ZNF469: variants seen among roughly 807,000 people sequenced by gnomAD.
ZNF469 encodes zinc finger protein 469.
In ZNF469, 1 loss-of-function variant was observed where a neutral mutation model predicts 1.0. The observed-to-expected ratio is 1.00, with a 90% confidence interval of 0.35 to 4.73. The LOEUF (loss-of-function observed/expected upper bound fraction) is 4.73, where lower values mean the gene tolerates loss of function less well. Ranked by LOEUF, ZNF469 falls within the 30% of genes most tolerant of loss-of-function variation. The probability of loss-of-function intolerance (pLI) is 0.16; values close to 1 mark genes in which losing one functional copy is unlikely to be tolerated. For synonymous variants in ZNF469, 2,703 were observed against 2,363.4 expected (o/e 1.14, Z -4.17); for missense variants, 6,100 against 5,356.3 (o/e 1.14, Z -4.33).
At chr16:88,267,871 C>T in the ZNF469 span, among the ~76,000 whole-genome samples, 11 of 152,146 alleles carry the variant, frequency 7.2e-5, no homozygotes, top group East Asian at 1.9e-4. Context: ...GTGGCACTGC[C>T]GGGTCCTGAG....
chr16:88,430,697 C>A lies in ZNF469; in HGVS notation c.3227C>A (p.Ala1076Glu), dbSNP rs931218240. The change falls in exon 3 of 3, where the codon GCG becomes GAG. Residue 1076 changes from alanine (A) to glutamate (E), a missense_variant. Ala to Glu is a moderately radical substitution (Grantham distance 107). Coordinates refer to ENST00000565624, the MANE Select transcript of ZNF469 (RefSeq NM_001367624.2). ...GRRAGRCGSL[A>E]AGRPRPGAED... ...CGGGCGGGCAGGTGCGGCTCCCTGG[C>A]GGCGGGGAGGCCCCGGCCCGGAGCT... 13 of 1,483,268 alleles carry A rather than the reference C, an allele frequency of 8.8e-6. No individual in the cohort carries two copies. The highest frequency in any genetic ancestry group is 1.3e-5 in the South Asian group (1 of 76,642). 91.9% of individuals were successfully genotyped at this position (1,483,268 alleles called of 1,614,324 possible). A position where few individuals can be genotyped will look rare whatever the true frequency, so the allele number is the denominator to read the frequency against.
At chr16:88,379,498 G>C (rs1008623170), upstream of ZNF469, among the ~76,000 whole-genome samples, 2 of 152,006 alleles carry the variant, frequency 1.3e-5, no homozygotes, top group Non-Finnish European at 2.9e-5. Flanking sequence ...GGGAAGAGGC[G>C]CTGCCAGGGC....
chr16:88,154,866 CT>C, the ZNF469 span, among the ~76,000 whole-genome samples: 1 of 152,146 alleles, frequency 6.6e-6, no homozygotes, highest in Admixed American at 6.5e-5. Flanking sequence ...AGATCATGGG[CT>C]TTTTTCCTCA....
the ZNF469 span, among the ~76,000 whole-genome samples, chr16:88,260,123 G>A: frequency 8.7e-5 from 13 of 149,706 alleles, no homozygotes; most frequent in Non-Finnish European, 1.9e-4. The surrounding 1 kb of genome is among the most constrained non-coding windows in gnomAD (Gnocchi z 4.1). Flanking sequence ...GATTACAGGC[G>A]CACACCACCA....
At chr16:88,334,289 T>A in the ZNF469 span, among the ~76,000 whole-genome samples, 1 of 152,118 alleles carries the variant, frequency 6.6e-6, no homozygotes, top group South Asian at 2.1e-4. Context: ...TTGAAAAAAA[T>A]TCTGGGGATG....
At chr16:88,187,357 G>A in the ZNF469 span, among the ~76,000 whole-genome samples, 2 of 152,208 alleles carry the variant, frequency 1.3e-5, no homozygotes, top group Admixed American at 6.5e-5. Context: ...GAGAACACAC[G>A]TTCTATTAAC....
the ZNF469 span, among the ~76,000 whole-genome samples, chr16:88,251,104 C>G: frequency 1.3e-5 from 2 of 152,228 alleles, no homozygotes; most frequent in South Asian, 2.1e-4. Context: ...TCTCAAATTC[C>G]TGACCTCAGG....
chr16:88,155,348 A>G, the ZNF469 span, among the ~76,000 whole-genome samples: 2 of 152,230 alleles, frequency 1.3e-5, no homozygotes, highest in East Asian at 3.8e-4. Flanking sequence ...TCAGCTTTTT[A>G]AAGTGTACAA....
chr16:88,190,092 C>T, the ZNF469 span, among the ~76,000 whole-genome samples: 2 of 151,252 alleles, frequency 1.3e-5, no homozygotes, highest in African/African-American at 4.9e-5. Context: ...AATGGGTACC[C>T]ATACATGGGG....
At chr16:88,154,928 C>T in the ZNF469 span, among the ~76,000 whole-genome samples, 23 of 152,274 alleles carry the variant, frequency 1.5e-4, no homozygotes, top group East Asian at 3.9e-3. Context: ...AGCTGGCAAG[C>T]GCTTCTGGGC....
the ZNF469 span, among the ~76,000 whole-genome samples, chr16:88,142,509 C>T: frequency 1.3e-5 from 2 of 152,228 alleles, no homozygotes; most frequent in African/African-American, 4.8e-5. Context: ...GCCTCAAGCA[C>T]TGAACTCCAG....
At chr16:88,276,670 G>C in the ZNF469 span, 1 of 152,222 alleles carries the variant, frequency 6.6e-6, no homozygotes, top group Non-Finnish European at 1.5e-5. Context: ...ATCGCATGAA[G>C]ACAGTGCACG....
intron 1 of ZNF469, among the ~76,000 whole-genome samples, chr16:88,404,692 G>A (rs1238794520): frequency 6.6e-6 from 1 of 152,126 alleles, no homozygotes; most frequent in Non-Finnish European, 1.5e-5. Flanking sequence ...GCTGCAGGAA[G>A]GAGGCACCGA....
the ZNF469 span, among the ~76,000 whole-genome samples, chr16:88,163,824 C>A: frequency 0.82 from 123,422 of 150,866 alleles, 50,881 homozygotes; most frequent in African/African-American, 0.86. Flanking sequence ...TGGCTGGATG[C>A]AGGGATGGTA....
At chr16:88,310,598 T>C in the ZNF469 span, among the ~76,000 whole-genome samples, 2 of 151,920 alleles carry the variant, frequency 1.3e-5, no homozygotes, top group Non-Finnish European at 2.9e-5. Context: ...TTATTTACTT[T>C]CTGAGACAGA....
At chr16:88,283,715 G>A in the ZNF469 span, among the ~76,000 whole-genome samples, 1 of 152,222 alleles carries the variant, frequency 6.6e-6, no homozygotes, top group Non-Finnish European at 1.5e-5. Flanking sequence ...TTTCCGGATG[G>A]CCCACCAAGG....
the ZNF469 span, among the ~76,000 whole-genome samples, chr16:88,128,433 G>A: frequency 3.3e-5 from 5 of 152,022 alleles, no homozygotes; most frequent in African/African-American, 4.8e-5. Flanking sequence ...ATTATTTTTT[G>A]CTGTTCTCAC....
chr16:88,307,815 T>C, the ZNF469 span, among the ~76,000 whole-genome samples: 1 of 152,250 alleles, frequency 6.6e-6, no homozygotes, highest in African/African-American at 2.4e-5. Flanking sequence ...CTTAATGGTA[T>C]TATTTGCAGC....
the ZNF469 span, among the ~76,000 whole-genome samples, chr16:88,270,468 C>T: frequency 6.6e-6 from 1 of 152,208 alleles, no homozygotes; most frequent in Non-Finnish European, 1.5e-5. Flanking sequence ...AGGCTCAGGA[C>T]AAGGCCGGAC....
Sources: gnomAD v4.1 joint callset for allele counts (sites outside exome capture counted in the v4.1 genomes callset) on GRCh38, gnomAD v4.1.1 for gene constraint, Gnocchi (gnomAD v3.1) non-coding constraint, MANE v1.5 for transcripts, NCBI Gene and HGNC (gene_info 2026-07-23, HGNC 2026-07-21) for gene names.